Variants in TPTE observed in about 807,000 individuals in gnomAD.
The protein encoded by TPTE is transmembrane phosphatase with tensin homology.
Under a neutral mutation model 84.1 loss-of-function variants are expected in TPTE, and 59 were observed. That is an observed-to-expected ratio of 0.70 (90% CI 0.57 to 0.87). The LOEUF (loss-of-function observed/expected upper bound fraction) is 0.87, where lower values mean the gene tolerates loss of function less well. Ranked by LOEUF, TPTE falls within the 40% of genes least tolerant of loss-of-function variation. The pLI, the probability that TPTE is intolerant of heterozygous loss-of-function variation, is 0.00. For missense variants in TPTE, 382 were observed against 659.6 expected, an observed-to-expected ratio of 0.58 and a Z score of 4.61; for synonymous variants, 130 against 223.5, an observed-to-expected ratio of 0.58 and a Z score of 3.73.
intron 3 of TPTE, among the ~76,000 whole-genome samples, chr21:10,537,999 A>G (rs1182383145): frequency 6.6e-6 from 1 of 152,310 alleles, no homozygotes; most frequent in Non-Finnish European, 1.5e-5. Flanking sequence ...TTTTCTTACT[A>G]GTCTGTTTGA....
intron 21 of TPTE, among the ~76,000 whole-genome samples, chr21:10,601,060 G>A (rs1424322232): frequency 1.6e-4 from 25 of 152,270 alleles, no homozygotes; most frequent in African/African-American, 5.8e-4. Context: ...CTTTTTGAAT[G>A]TCAATGCTAG....
chr21:10,523,869 C>T (rs2074032625), intron 1 of TPTE, among the ~76,000 whole-genome samples: 1 of 152,308 alleles, frequency 6.6e-6, no homozygotes, highest in African/African-American at 2.4e-5. Flanking sequence ...TGAGGAATCG[C>T]CACACTGACT....
At chr21:10,577,056 TAGAC>T (rs1215166035) in intron 14 of TPTE, among the ~76,000 whole-genome samples, 1 of 152,270 alleles carries the variant, frequency 6.6e-6, no homozygotes, top group Non-Finnish European at 1.5e-5. Flanking sequence ...AGTGCTTAGA[TAGAC>T]TGTAATATGC....
chr21:10,563,447 C>T (rs1416150975), intron 10 of TPTE, among the ~76,000 whole-genome samples: 1 of 152,302 alleles, frequency 6.6e-6, no homozygotes, highest in Non-Finnish European at 1.5e-5. Flanking sequence ...TTAACTACAA[C>T]TTTTCAAGAC....
chr21:10,554,074 T>G (rs75285461), intron 8 of TPTE, among the ~76,000 whole-genome samples: 1 of 152,116 alleles, frequency 6.6e-6, no homozygotes, highest in Non-Finnish European at 1.5e-5. Context: ...ATACTTTTTT[T>G]GTTTACAGAT....
intron 14 of TPTE, among the ~76,000 whole-genome samples, chr21:10,574,349 C>T (rs866407310): frequency 8.6e-4 from 130 of 152,014 alleles, no homozygotes; most frequent in African/African-American, 2.9e-3. Flanking sequence ...GCAAGTTCAG[C>T]TACTTCCCAG....
chr21:10,544,247 G>A (rs1452715313), intron 7 of TPTE, among the ~76,000 whole-genome samples: 1 of 152,300 alleles, frequency 6.6e-6, no homozygotes, highest in Non-Finnish European at 1.5e-5. Context: ...GAAACATCTA[G>A]GTGAGAATTC....
At chr21:10,576,766 A>G (rs1273460905) in intron 14 of TPTE, among the ~76,000 whole-genome samples, 1 of 152,274 alleles carries the variant, frequency 6.6e-6, no homozygotes, top group Non-Finnish European at 1.5e-5. Flanking sequence ...AGTTGGATTC[A>G]TATAGTGGTA....
At chr21:10,599,971 T>G (rs536375305) in intron 21 of TPTE, among the ~76,000 whole-genome samples, 599 of 151,392 alleles carry the variant, frequency 4.0e-3, no homozygotes, top group Non-Finnish European at 6.1e-3. Context: ...AATCCCCCAA[T>G]TTTTTTTATT....
intron 5 of TPTE, among the ~76,000 whole-genome samples, chr21:10,541,610 C>T (rs1365762881): frequency 1.3e-5 from 2 of 152,310 alleles, no homozygotes; most frequent in South Asian, 2.1e-4. Context: ...TATCATCTCC[C>T]TGTATCATGT....
intron 19 of TPTE, among the ~76,000 whole-genome samples, chr21:10,594,567 G>C (rs2075545276): frequency 6.6e-6 from 1 of 152,428 alleles, no homozygotes; most frequent in South Asian, 2.1e-4. Flanking sequence ...TGAGGGCCCT[G>C]GTGGTTTACA....
intron 17 of TPTE, 40 bp downstream of exon 17, chr21:10,578,645 C>T (rs201029104): frequency 1.9e-6 from 3 of 1,611,724 alleles, no homozygotes; most frequent in African/African-American, 1.3e-5. Context: ...TTTCTAAAGA[C>T]ATGTAAATAT....
At chr21:10,573,059 T>TAAAAAAAAAAAAA (rs56182104) in intron 14 of TPTE, among the ~76,000 whole-genome samples, 2 of 146,744 alleles carry the variant, frequency 1.4e-5, no homozygotes, top group African/African-American at 2.5e-5. Context: ...TGCCAAGATT[T>TAAAAAAAAAAAAA]AAAAAAAAAA....
intron 4 of TPTE, chr21:10,540,819 A>T (rs375163436): frequency 0.02 from 11,182 of 550,808 alleles, no homozygotes; most frequent in South Asian, 0.067. Context: ...TCAGGAACTA[A>T]ATTTGAACTA....
chr21:10,537,094 A>G (rs892918424), intron 3 of TPTE, among the ~76,000 whole-genome samples: 5 of 152,312 alleles, frequency 3.3e-5, no homozygotes, highest in African/African-American at 9.6e-5. Context: ...GGCAAAAACA[A>G]GGCACTCATG....
intron 7 of TPTE, among the ~76,000 whole-genome samples, chr21:10,549,805 G>C (rs1283925007): frequency 1.3e-5 from 2 of 152,312 alleles, no homozygotes; most frequent in African/African-American, 2.4e-5. Flanking sequence ...TAACTCTTGA[G>C]GGAGAGCTAG....
intron 7 of TPTE, among the ~76,000 whole-genome samples, chr21:10,550,772 A>G (rs1439651279): frequency 1.3e-5 from 2 of 152,312 alleles, no homozygotes; most frequent in East Asian, 1.9e-4. Flanking sequence ...CATGTACAGA[A>G]CATCTCACCT....
chr21:10,565,997 A>G (rs552262533), intron 10 of TPTE, among the ~76,000 whole-genome samples: 2 of 152,428 alleles, frequency 1.3e-5, no homozygotes, highest in South Asian at 4.1e-4. Flanking sequence ...CCAAAGCAAA[A>G]ATGGGCAAAT....
At position 10,521,643 on chromosome 21, in the gene TPTE, G is replaced by GCCCCGGCGGCTCTAGGGAC. The variant is rs2073975150; in HGVS notation, c.-253_-235dup. 1.4e-5 allele frequency: 2 copies of GCCCCGGCGGCTCTAGGGAC among 145,096 alleles called. No homozygotes were observed. The highest frequency in any genetic ancestry group is 3.0e-5 in the Non-Finnish European group (2 of 66,232). The allele number at this position is 145,096 out of a possible 1,614,324, so 9.0% of individuals were successfully genotyped here. ...AGTTACCCAGCGCCGGACTCGCTGC[G>GCCCCGGCGGCTCTAGGGAC]CCCCGGCGGCTCTAGGGACCCCCGG... On this transcript the variant is annotated 5_prime_UTR_variant, in exon 1 of 24. Coordinates refer to ENST00000618007, the MANE Select transcript of TPTE (RefSeq NM_199261.4).
Sources: allele counts gnomAD v4.1 joint callset (sites outside exome capture counted in the v4.1 genomes callset), GRCh38; gene constraint gnomAD v4.1.1; transcripts MANE v1.5; gene names NCBI Gene and HGNC (gene_info 2026-07-23, HGNC 2026-07-21).